The following RAD54B variants were observed in gnomAD, a reference collection of about 807,000 sequenced individuals.
RAD54B encodes RAD54 homolog B, also known as DNA repair and recombination protein RAD54B.
RAD54B carries 78 observed loss-of-function variants against 95.8 expected under a neutral mutation model. That is an observed-to-expected ratio of 0.81 (90% CI 0.68 to 0.98). The LOEUF (loss-of-function observed/expected upper bound fraction) is 0.98, where lower values mean the gene tolerates loss of function less well. Ranked by LOEUF, RAD54B falls within the 50% of genes least tolerant of loss-of-function variation. The probability of loss-of-function intolerance (pLI) is 0.00; values close to 1 mark genes in which losing one functional copy is unlikely to be tolerated. For missense variants in RAD54B, 957 were observed against 1,056.6 expected (o/e 0.91, Z 1.31); for synonymous variants, 328 against 354.9 (o/e 0.92, Z 0.85).
chr8:94,432,993 G>A (rs989334181), intron 3 of RAD54B, among the ~76,000 whole-genome samples: 40 of 152,168 alleles, frequency 2.6e-4, no homozygotes, highest in African/African-American at 9.1e-4. Flanking sequence ...CAACCCTAAG[G>A]TTTTCAAATG....
chr8:94,436,754 T>C, intron 3 of RAD54B: 1 of 1,550,656 alleles, frequency 6.4e-7, no homozygotes, highest in South Asian at 1.2e-5. Context: ...TTTTCTACTA[T>C]TACTGAATGT....
Position 94,422,606 on chromosome 8 carries a change from AAAAAAAAAAAAATATATATATATATAT to A in RAD54B, c.305-11318_305-11292del, listed in dbSNP as rs1191234823. ...TCGTCTCAAAAAAAAAAAAAAAAAA[AAAAAAAAAAAAATATATATATATATAT>A]ATATATATATATATATATATAAAAT... is the stretch of plus-strand genomic sequence containing the variant. On this transcript the variant is annotated intron_variant, in intron 3 of 14. Transcript: ENST00000336148. 5.1e-4 allele frequency among the ~76,000 whole-genome samples: 52 copies of A among 100,976 alleles called. 1 individual carries two copies. Among genetic ancestry groups the A allele is most frequent in the African/African-American group, 2.1e-3 (41 of 19,946 alleles). The allele number at this position is 100,976 out of a possible 152,430, so 66.2% of individuals were successfully genotyped here.
Position 94,404,235 on chromosome 8 carries a change from G to A in RAD54B, c.786C>T (p.Ser262=), listed in dbSNP as rs766235842. The A allele has an allele frequency of 2.5e-5, 39 of 1,579,234 alleles. No homozygotes were observed. The highest frequency in any genetic ancestry group is 3.2e-5 in the Non-Finnish European group (37 of 1,167,714). Residue 262 remains serine (S), a synonymous_variant, in exon 6 of 15, where the codon TCC becomes TCT. Transcript: ENST00000336148. The part of the protein sequence containing the change: ...KPRHDPYTPN[S]LVMPRPDKNH... ...TCTTATCTGGTCGTGGCATAACGAGGGAATCTTAAAAAATGATAAAAGTAC... is the reference window on the plus strand; with the variant it reads ...TCTTATCTGGTCGTGGCATAACGAGAGAATCTTAAAAAATGATAAAAGTAC...
intron 11 of RAD54B, among the ~76,000 whole-genome samples, chr8:94,383,525 G>A (rs2515152): frequency 0.88 from 133,826 of 152,234 alleles, 59,720 homozygotes; most frequent in Non-Finnish European, 0.96. Context: ...AGAAAGAGAG[G>A]ATGCACATTC....
intron 14 of RAD54B, chr8:94,373,017 A>C (rs1013463755): frequency 6.6e-6 from 1 of 152,244 alleles, no homozygotes; most frequent in Non-Finnish European, 1.5e-5. Flanking sequence ...CTTACATATG[A>C]CAAGAGAGGC....
At chr8:94,406,484 T>C (rs1390694128) in intron 5 of RAD54B, among the ~76,000 whole-genome samples, 1 of 152,192 alleles carries the variant, frequency 6.6e-6, no homozygotes, top group Non-Finnish European at 1.5e-5. Flanking sequence ...ACTAAGTCTT[T>C]GGGATAAGCT....
At chr8:94,403,742 T>C (rs1004134808) in intron 6 of RAD54B, among the ~76,000 whole-genome samples, 1 of 152,158 alleles carries the variant, frequency 6.6e-6, no homozygotes, top group Non-Finnish European at 1.5e-5. Flanking sequence ...TATGACCCTT[T>C]ACCACACTAG....
In RAD54B at chr8:94,437,587, T is replaced by A. The variant is rs1812298430; in HGVS notation, c.304+20681A>T. Among the ~76,000 whole-genome samples, 3 of 152,146 alleles carry A rather than the reference T, an allele frequency of 2.0e-5. No individual in the cohort carries two copies. The South Asian group carries it at 6.2e-4, about 31-fold the overall frequency. On this transcript the variant is annotated intron_variant, in intron 3 of 14. Coordinates refer to ENST00000336148, the MANE Select transcript of RAD54B (RefSeq NM_012415.3). ...TTAAGAAAAAATTTTTATAGAACAC[T>A]CAATCTAAAAAGCAGGTAAAAATCA... is the stretch of plus-strand genomic sequence containing the variant.
At chr8:94,420,251 A>ATTT (rs57897762) in intron 3 of RAD54B, among the ~76,000 whole-genome samples, 17 of 117,006 alleles carry the variant, frequency 1.5e-4, no homozygotes, top group African/African-American at 5.2e-4. Flanking sequence ...AGAAAACTTG[A>ATTT]TTTTTTTTTT....
intron 2 of RAD54B, among the ~76,000 whole-genome samples, chr8:94,461,344 G>A (rs1054769925): frequency 6.6e-6 from 1 of 150,474 alleles, no homozygotes; most frequent in Non-Finnish European, 1.5e-5. Context: ...GGCTAATTTT[G>A]TATTTTTAGT....
rs182113739 is a variant in RAD54B, at chr8:94,429,158, T to G, written c.305-17843A>C. 29 of 963,252 alleles carry G rather than the reference T, an allele frequency of 3.0e-5. No individual in the cohort carries two copies. The Admixed American group carries it at 1.7e-3, about 57-fold the overall frequency. The allele number at this position is 963,252 out of a possible 1,614,324, so 59.7% of individuals were successfully genotyped here. ...TCTGGTGTTTAAAAATATGTAAAAATAGGTTTCTTATTGTATACAGCCCCT... is the reference window on the plus strand; with the variant it reads ...TCTGGTGTTTAAAAATATGTAAAAAGAGGTTTCTTATTGTATACAGCCCCT... On this transcript the variant is annotated intron_variant, in intron 3 of 14. Transcript: ENST00000336148.
chr8:94,469,430 T>C (rs1199174879), intron 1 of RAD54B, among the ~76,000 whole-genome samples: 2 of 152,218 alleles, frequency 1.3e-5, no homozygotes, highest in African/African-American at 2.4e-5. Flanking sequence ...TCCCCAGCCA[T>C]GTGGAACTGT....
chr8:94,418,055 T>G (rs927835436), intron 3 of RAD54B, among the ~76,000 whole-genome samples: 1 of 152,196 alleles, frequency 6.6e-6, no homozygotes, highest in Non-Finnish European at 1.5e-5. Flanking sequence ...CCTTCCCTAA[T>G]GAGAGTGTAT....
chr8:94,468,596 C>A (rs1180729971), intron 1 of RAD54B, among the ~76,000 whole-genome samples: 2 of 151,684 alleles, frequency 1.3e-5, no homozygotes, highest in South Asian at 2.1e-4. Flanking sequence ...GAGGCCGAGG[C>A]GGGCGGATCA....
intron 14 of RAD54B, among the ~76,000 whole-genome samples, chr8:94,377,246 A>G (rs900170797): frequency 1.3e-5 from 2 of 152,016 alleles, no homozygotes; most frequent in African/African-American, 2.4e-5. Flanking sequence ...GATTAAAACC[A>G]TTTTTCTGGC....
intron 3 of RAD54B, among the ~76,000 whole-genome samples, chr8:94,439,539 C>A (rs936527202): frequency 1.3e-5 from 2 of 152,122 alleles, no homozygotes; most frequent in African/African-American, 4.8e-5. Context: ...AAAGACACAG[C>A]CCTCAGGTGG....
intron 3 of RAD54B, among the ~76,000 whole-genome samples, chr8:94,449,297 A>C (rs1361982898): frequency 6.6e-6 from 1 of 150,800 alleles, no homozygotes; most frequent in Non-Finnish European, 1.5e-5. Flanking sequence ...TGAGTGACCC[A>C]TCTAAAAAAT....
At chr8:94,467,729 C>A (rs759701195) in intron 1 of RAD54B, among the ~76,000 whole-genome samples, 174 bp from the exon 2 acceptor site, 1 of 152,174 alleles carries the variant, frequency 6.6e-6, no homozygotes, top group Non-Finnish European at 1.5e-5. Flanking sequence ...AAGGAAATTC[C>A]AGGCACTTAG....
intron 10 of RAD54B, 40 bp from the exon 11 acceptor site, chr8:94,387,199 T>G (rs1810910376): frequency 6.8e-7 from 1 of 1,478,248 alleles, no homozygotes; most frequent in Non-Finnish European, 9.0e-7. Flanking sequence ...CTCAAGTTTG[T>G]TTTTTTAATT....
Sources: gnomAD v4.1 joint callset for allele counts (sites outside exome capture counted in the v4.1 genomes callset) on GRCh38, gnomAD v4.1.1 for gene constraint, MANE v1.5 for transcripts, NCBI Gene and HGNC (gene_info 2026-07-23, HGNC 2026-07-21) for gene names.